Variants in ZSWIM6 observed in about 807,000 individuals in gnomAD.
ZSWIM6 encodes zinc finger SWIM-type containing 6.
A neutral mutation model predicts 113.2 loss-of-function variants in ZSWIM6; 9 were observed. That is an observed-to-expected ratio of 0.08 (90% CI 0.05 to 0.14). The LOEUF (loss-of-function observed/expected upper bound fraction) is 0.14. Among genes scored for constraint, ZSWIM6 ranks in the 10% least tolerant of loss-of-function variants. ZSWIM6 has a pLI of 1.00. For synonymous variants in ZSWIM6, 611 were observed against 606.5 expected (o/e 1.01, Z -0.11); for missense variants, 1,162 against 1,552.2 (o/e 0.75, Z 4.22).
chr5:61,519,461 C>T (rs755613138), intron 4 of ZSWIM6, among the ~76,000 whole-genome samples: 1 of 152,124 alleles, frequency 6.6e-6, no homozygotes, highest in African/African-American at 2.4e-5. Context: ...TGGCAAGTCA[C>T]CCCCATCAGG....
At chr5:61,511,366 G>A (rs192718500) in intron 4 of ZSWIM6, among the ~76,000 whole-genome samples, 115 of 152,232 alleles carry the variant, frequency 7.6e-4, no homozygotes, top group African/African-American at 2.7e-3. Context: ...AGAACTCATT[G>A]TTTAAAGTTG....
chr5:61,384,673 T>G (rs367888677), intron 1 of ZSWIM6, among the ~76,000 whole-genome samples: 3 of 152,146 alleles, frequency 2.0e-5, no homozygotes, highest in Non-Finnish European at 4.4e-5. Context: ...AACTTTTGTG[T>G]CCCCCAAACT....
chr5:61,382,824 GA>G (rs1745513133), intron 1 of ZSWIM6, among the ~76,000 whole-genome samples: 1 of 151,484 alleles, frequency 6.6e-6, no homozygotes, highest in African/African-American at 2.4e-5. Context: ...AAAAAAGAAA[GA>G]AAGAAAGAAA....
At chr5:61,418,586 C>A (rs1746299273) in intron 1 of ZSWIM6, among the ~76,000 whole-genome samples, 1 of 151,866 alleles carries the variant, frequency 6.6e-6, no homozygotes, top group Non-Finnish European at 1.5e-5. Flanking sequence ...TTAAATGAAA[C>A]CTTCTAGTGA....
intron 1 of ZSWIM6, among the ~76,000 whole-genome samples, chr5:61,365,439 G>A (rs546265222): frequency 1.0e-3 from 158 of 152,234 alleles, no homozygotes; most frequent in African/African-American, 3.6e-3. Flanking sequence ...AAATGTTTGG[G>A]AATGGCAGTT....
At chr5:61,446,109 C>T (rs946390988) in intron 1 of ZSWIM6, among the ~76,000 whole-genome samples, 3 of 152,188 alleles carry the variant, frequency 2.0e-5, no homozygotes, top group African/African-American at 4.8e-5. Context: ...TCACTGCAAC[C>T]TCCACCTCCC....
Position 61,355,381 on chromosome 5 carries a change from A to G in ZSWIM6, c.676+22433A>G, listed in dbSNP as rs531806880. Among the ~76,000 whole-genome samples the G allele has an allele frequency of 3.3e-5, 5 of 151,028 alleles. No homozygotes were observed. In the South Asian group the frequency reaches 1.0e-3, roughly 32 times the overall value. ...TAGCAGTGATGGTATTGATGTAGCT[A>G]AGTGATGTAGCTTACCTGTTTACAG... On this transcript the variant is annotated intron_variant, in intron 1 of 13. Coordinates refer to ENST00000252744, the MANE Select transcript of ZSWIM6 (RefSeq NM_020928.2).
At chr5:61,418,971 G>A (rs1307015799) in intron 1 of ZSWIM6, among the ~76,000 whole-genome samples, 10 of 152,178 alleles carry the variant, frequency 6.6e-5, no homozygotes, top group African/African-American at 1.2e-4. Flanking sequence ...ACAGGTGTGC[G>A]CCGCCATGCC....
At chr5:61,333,334 G>C (rs1355964602) in intron 1 of ZSWIM6, among the ~76,000 whole-genome samples, 1 of 151,892 alleles carries the variant, frequency 6.6e-6, no homozygotes, top group East Asian at 2.0e-4. Context: ...TGTGTGTGGC[G>C]GGGCTGTGCG....
At chr5:61,378,581 GT>G (rs1745416971) in intron 1 of ZSWIM6, among the ~76,000 whole-genome samples, 1 of 151,688 alleles carries the variant, frequency 6.6e-6, no homozygotes, top group Non-Finnish European at 1.5e-5. Context: ...TTGAGACAGG[GT>G]TTTGCTCTTG....
chr5:61,410,192 G>A (rs1746124914), intron 1 of ZSWIM6, among the ~76,000 whole-genome samples: 1 of 152,082 alleles, frequency 6.6e-6, no homozygotes, highest in Admixed American at 6.5e-5. Context: ...TTGGCAAAAG[G>A]CAACATGTGT....
intron 1 of ZSWIM6, among the ~76,000 whole-genome samples, chr5:61,345,788 C>T (rs1744645654): frequency 6.6e-6 from 1 of 152,138 alleles, no homozygotes; most frequent in Non-Finnish European, 1.5e-5. Context: ...TGGAATCAAA[C>T]TGATTTTCTT....
intron 1 of ZSWIM6, among the ~76,000 whole-genome samples, chr5:61,355,288 C>T (rs1744875034): frequency 1.3e-5 from 2 of 152,230 alleles, no homozygotes; most frequent in African/African-American, 2.4e-5. Flanking sequence ...ACAGTGGCTC[C>T]TGGGTGTTCC....
chr5:61,435,867 G>T (rs976909948), intron 1 of ZSWIM6, among the ~76,000 whole-genome samples: 1 of 152,126 alleles, frequency 6.6e-6, no homozygotes. Context: ...CTGTAGTCAA[G>T]AATTGATATT....
At chr5:61,483,634 C>T (rs921547543) in intron 2 of ZSWIM6, among the ~76,000 whole-genome samples, 5 of 150,428 alleles carry the variant, frequency 3.3e-5, no homozygotes, top group African/African-American at 9.8e-5. Flanking sequence ...TTTGGGAGGC[C>T]GAGGTGGGCA....
chr5:61,358,086 G>A (rs1744956884), intron 1 of ZSWIM6, among the ~76,000 whole-genome samples: 1 of 152,220 alleles, frequency 6.6e-6, no homozygotes, highest in Non-Finnish European at 1.5e-5. Flanking sequence ...CATTTTGTAT[G>A]TCTTCTTTGC....
chr5:61,465,406 C>T (rs1049488462), intron 1 of ZSWIM6, among the ~76,000 whole-genome samples: 12 of 148,838 alleles, frequency 8.1e-5, no homozygotes, highest in South Asian at 2.1e-4. Context: ...TTTGGTATGA[C>T]GGAGTGATAT....
chr5:61,339,269 A>C (rs1744480413), intron 1 of ZSWIM6, among the ~76,000 whole-genome samples: 1 of 152,206 alleles, frequency 6.6e-6, no homozygotes, highest in African/African-American at 2.4e-5. Context: ...AGCCGGGCGT[A>C]GTGGTACACC....
chr5:61,477,328 CAT>C (rs1487075101), intron 2 of ZSWIM6, among the ~76,000 whole-genome samples: 1 of 152,186 alleles, frequency 6.6e-6, no homozygotes, highest in East Asian at 1.9e-4. Context: ...ACTTCCCTGT[CAT>C]GTGTCCAGAG....
Sources: allele counts gnomAD v4.1 joint callset (sites outside exome capture counted in the v4.1 genomes callset), GRCh38; gene constraint gnomAD v4.1.1; transcripts MANE v1.5; gene names NCBI Gene and HGNC (gene_info 2026-07-23, HGNC 2026-07-21).